TNNI3K: variants seen among roughly 807,000 people sequenced by gnomAD.
TNNI3K encodes the protein serine/threonine-protein kinase TNNI3K.
Under a neutral mutation model 114.5 loss-of-function variants are expected in TNNI3K, and 140 were observed. The observed-to-expected ratio is 1.22, with a 90% CI of 1.07 to 1.41. The LOEUF (loss-of-function observed/expected upper bound fraction) is 1.41. Ranked by LOEUF, TNNI3K falls within the 40% of genes most tolerant of loss-of-function variation. TNNI3K has a pLI of 0.00. For synonymous variants in TNNI3K, 347 were observed against 347.5 expected (o/e 1.00, Z 0.02); for missense variants, 1,125 against 1,007.6 (o/e 1.12, Z -1.58).
At chr1:74,241,753 T>C (rs2100830601) in intron 2 of TNNI3K, among the ~76,000 whole-genome samples, 1 of 152,298 alleles carries the variant, frequency 6.6e-6, no homozygotes, top group East Asian at 1.9e-4. Context: ...GGTAGTTTGT[T>C]TTGCTGTGCA....
intron 17 of TNNI3K, among the ~76,000 whole-genome samples, chr1:74,389,695 A>G (rs1663665067): frequency 6.6e-6 from 1 of 152,226 alleles, no homozygotes; most frequent in Non-Finnish European, 1.5e-5. Context: ...TACACCAAGC[A>G]TAGAGCCTAA....
At chr1:74,534,814 A>G (rs1422794518) in intron 23 of TNNI3K, among the ~76,000 whole-genome samples, 3 of 152,072 alleles carry the variant, frequency 2.0e-5, no homozygotes, top group African/African-American at 7.2e-5. Flanking sequence ...ATCCTTAACG[A>G]TGGGTTTATG....
intron 5 of TNNI3K, among the ~76,000 whole-genome samples, chr1:74,323,898 G>A (rs1659758022): frequency 6.6e-6 from 1 of 152,138 alleles, no homozygotes; most frequent in African/African-American, 2.4e-5. Context: ...AACCGAAAAA[G>A]CCATTTCTAT....
chr1:74,244,034 G>C (rs1570361441), intron 2 of TNNI3K, among the ~76,000 whole-genome samples: 1 of 152,218 alleles, frequency 6.6e-6, no homozygotes, highest in South Asian at 2.1e-4. Context: ...TCTCTCCTAG[G>C]AATGATTGCT....
intron 21 of TNNI3K, among the ~76,000 whole-genome samples, chr1:74,478,195 A>G (rs1668299681): frequency 6.6e-6 from 1 of 152,326 alleles, no homozygotes. Context: ...GCAAATTAAC[A>G]TCAAAAATCA....
At chr1:74,411,399 C>T (rs1664872207) in intron 17 of TNNI3K, among the ~76,000 whole-genome samples, 1 of 152,044 alleles carries the variant, frequency 6.6e-6, no homozygotes, top group Non-Finnish European at 1.5e-5. Context: ...TAAGTATCAA[C>T]CTGAGATAAC....
chr1:74,303,061 C>A (rs1658421368), intron 5 of TNNI3K, among the ~76,000 whole-genome samples: 3 of 152,148 alleles, frequency 2.0e-5, no homozygotes, highest in Non-Finnish European at 4.4e-5. Flanking sequence ...GAAGTGAATG[C>A]TCATTTACTA....
chr1:74,323,306 T>G (rs1177359684), intron 5 of TNNI3K, among the ~76,000 whole-genome samples: 2 of 152,184 alleles, frequency 1.3e-5, no homozygotes, highest in Non-Finnish European at 2.9e-5. Context: ...AAACCTGAGT[T>G]TAAACTTAAG....
At chr1:74,401,443 T>C (rs1664359247) in intron 17 of TNNI3K, among the ~76,000 whole-genome samples, 1 of 152,248 alleles carries the variant, frequency 6.6e-6, no homozygotes. Flanking sequence ...TGAGAAGGCA[T>C]GTACCTGTCT....
intron 17 of TNNI3K, among the ~76,000 whole-genome samples, chr1:74,384,878 T>C (rs959307470): frequency 8.5e-5 from 13 of 152,182 alleles, no homozygotes; most frequent in Non-Finnish European, 4.4e-5. Flanking sequence ...ACTTTTAATT[T>C]TTAGCTGACC....
chr1:74,342,211 C>T (rs1419183780), intron 7 of TNNI3K, among the ~76,000 whole-genome samples: 6 of 151,994 alleles, frequency 3.9e-5, no homozygotes, highest in East Asian at 3.9e-4. Flanking sequence ...GGTGTTTCAA[C>T]GAGAAGGACA....
intron 21 of TNNI3K, chr1:74,464,881 T>G (rs45519032): frequency 3.0e-6 from 4 of 1,312,994 alleles, no homozygotes; most frequent in Non-Finnish European, 3.9e-6. Context: ...CATCTAAAGC[T>G]GGATGCTTAA....
intron 17 of TNNI3K, among the ~76,000 whole-genome samples, chr1:74,426,890 G>A (rs1421400241): frequency 6.6e-6 from 1 of 152,022 alleles, no homozygotes; most frequent in Non-Finnish European, 1.5e-5. Flanking sequence ...CTGTAGACAT[G>A]CTTAGATCCT....
At chr1:74,520,399 T>A (rs903617734) in intron 23 of TNNI3K, among the ~76,000 whole-genome samples, 2 of 152,010 alleles carry the variant, frequency 1.3e-5, no homozygotes, top group Non-Finnish European at 2.9e-5. Flanking sequence ...CCTCAGCCCC[T>A]CCAGTCTCTC....
Position 74,489,195 on chromosome 1 carries a change from C to T in TNNI3K, c.2128C>T (p.Pro710Ser). 2 of 1,610,648 alleles carry T rather than the reference C, an allele frequency of 1.2e-6. No homozygotes were observed. Among genetic ancestry groups the T allele is most frequent in the Non-Finnish European group, 1.7e-6 (2 of 1,178,598 alleles). Reference protein sequence around the residue: ...RGWNACPEGRPEFSEVVMKLE... With the variant: ...RGWNACPEGRSEFSEVVMKLE... Reference sequence around the variant, plus strand: ...TTCTTTTTTCTATTTACAGGGAAGACCCGAATTTTCTGAAGTTGTCATGAA... The same window carrying T: ...TTCTTTTTTCTATTTACAGGGAAGATCCGAATTTTCTGAAGTTGTCATGAA... Residue 710 changes from proline to serine, a missense_variant, in exon 22 of 25, where the codon CCC becomes TCC. Physicochemically the swap from Pro to Ser is moderately conservative, Grantham distance 74. Transcript: ENST00000326637.
rs749945969 is a variant in TNNI3K at position 74,370,424 on chromosome 1, G to C, written c.1772+32G>C. Reference sequence around the variant, plus strand: ...TTTTCCTAAATAATGAACTCAGAAGGGTATGACTAACTGGGAGTTTAAGAC... The same window carrying C: ...TTTTCCTAAATAATGAACTCAGAAGCGTATGACTAACTGGGAGTTTAAGAC... On this transcript the variant is annotated intron_variant, in intron 17 of 24. Coordinates refer to ENST00000326637, the MANE Select transcript of TNNI3K (RefSeq NM_015978.3). 5.7e-6 allele frequency: 9 copies of C among 1,566,218 alleles called. No homozygotes were observed. The African/African-American group carries it at 1.1e-4, about 19-fold the overall frequency.
intron 4 of TNNI3K, among the ~76,000 whole-genome samples, chr1:74,260,222 T>C (rs1004534024): frequency 6.6e-6 from 1 of 152,220 alleles, no homozygotes; most frequent in African/African-American, 2.4e-5. Context: ...ATTTGCATAT[T>C]TCAAATGTTG....
intron 5 of TNNI3K, among the ~76,000 whole-genome samples, chr1:74,280,863 T>TG (rs1160699960): frequency 6.6e-6 from 1 of 151,996 alleles, no homozygotes; most frequent in Non-Finnish European, 1.5e-5. Context: ...AGGGAGTACT[T>TG]GCATCACCCA....
chr1:74,290,878 T>C (rs1657635580), intron 5 of TNNI3K, among the ~76,000 whole-genome samples: 2 of 151,768 alleles, frequency 1.3e-5, no homozygotes, highest in South Asian at 2.1e-4. Flanking sequence ...TGTATGTCTT[T>C]TTCAAATGTA....
Sources: gnomAD v4.1 joint callset for allele counts (sites outside exome capture counted in the v4.1 genomes callset) on GRCh38, gnomAD v4.1.1 for gene constraint, MANE v1.5 for transcripts, NCBI Gene and HGNC (gene_info 2026-07-23, HGNC 2026-07-21) for gene names.